DIS3L: variants seen among roughly 807,000 people sequenced by gnomAD.
DIS3L encodes DIS3 like exosome 3'-5' exoribonuclease.
In DIS3L, 100 loss-of-function variants were observed where a neutral mutation model predicts 120.3. The observed-to-expected ratio is 0.83, with a 90% confidence interval of 0.71 to 0.98. The LOEUF is 0.98. Ranked by LOEUF, DIS3L falls within the 50% of genes least tolerant of loss-of-function variation. DIS3L has a pLI of 0.00. For missense variants in DIS3L, 1,196 were observed against 1,314.2 expected, an observed-to-expected ratio of 0.91 and a Z score of 1.39; for synonymous variants, 426 against 470.6, an observed-to-expected ratio of 0.91 and a Z score of 1.23.
At chr15:66,317,638 T>C (rs925544578) in intron 7 of DIS3L, among the ~76,000 whole-genome samples, 1 of 152,168 alleles carries the variant, frequency 6.6e-6, no homozygotes, top group African/African-American at 2.4e-5. Context: ...GGATTCTAAA[T>C]GTTATCTCAG....
At chr15:66,322,567 G>T in intron 9 of DIS3L, 120 bp from the exon 10 acceptor site, 1 of 1,455,576 alleles carries the variant, frequency 6.9e-7, no homozygotes, top group Non-Finnish European at 9.3e-7. Flanking sequence ...AACATAGGTT[G>T]ATGAAGAAGG....
chr15:66,310,974 C>T (rs2092754228), intron 4 of DIS3L, among the ~76,000 whole-genome samples: 1 of 143,144 alleles, frequency 7.0e-6, no homozygotes, highest in South Asian at 2.2e-4. Flanking sequence ...CCAGCATGGG[C>T]AACAGAGCAA....
intron 10 of DIS3L, 72 bp downstream of exon 10, chr15:66,323,006 G>A: frequency 2.6e-6 from 4 of 1,561,150 alleles, no homozygotes; most frequent in South Asian, 2.4e-5. Context: ...ACTAGTTTCA[G>A]GTGTTCAAAG....
intron 3 of DIS3L, 135 bp from the exon 4 acceptor site, chr15:66,308,574 C>T (rs1274802781): frequency 1.7e-6 from 2 of 1,200,008 alleles, no homozygotes; most frequent in Admixed American, 2.6e-5. Flanking sequence ...ATAATGGATA[C>T]TCCAGAAGTA....
chr15:66,327,562 T>C (rs369732189), intron 12 of DIS3L, among the ~76,000 whole-genome samples: 7 of 150,806 alleles, frequency 4.6e-5, no homozygotes, highest in Admixed American at 2.0e-4. Flanking sequence ...TCGAGACCAT[T>C]CTGGCTAACA....
At position 66,321,487 on chromosome 15, in the gene DIS3L, G is replaced by A. The variant is rs151006692; in HGVS notation, c.1326+755G>A. 5.9e-5 allele frequency among the ~76,000 whole-genome samples: 9 copies of A among 152,252 alleles called. No individual in the cohort carries two copies. The East Asian group carries it at 1.7e-3, about 29-fold the overall frequency. ...CAGTGTTATAAAAAAATGTAGGCCA[G>A]GCGTGGTGGCTCATGCCTGTAATCC... On this transcript the variant is annotated intron_variant, in intron 9 of 16. Coordinates refer to ENST00000319212, the MANE Select transcript of DIS3L (RefSeq NM_001143688.3).
In DIS3L at chr15:66,318,449, G is replaced by A. The variant is rs752263312; in HGVS notation, c.995G>A (p.Gly332Asp). 2.5e-6 allele frequency: 4 copies of A among 1,613,478 alleles called. No homozygotes were observed. The highest frequency in any genetic ancestry group is 2.5e-6 in the Non-Finnish European group (3 of 1,179,684). Reference protein sequence around the residue: ...GESPSEPMPTGRVVGILQKNW... With the variant: ...GESPSEPMPTDRVVGILQKNW... The stretch of plus-strand genomic sequence containing the variant: ...CTTGTTTTGTTTTGTTTTGCCAAAG[G>A]TCGAGTGGTGGGCATACTTCAGAAG... The change falls in exon 8 of 17, where the codon GGT becomes GAT. Residue 332 changes from glycine (G) to aspartate (D), a missense_variant and splice_region_variant. By Grantham distance (94) the Gly-to-Asp change is moderately conservative. Transcript: ENST00000319212.
At chr15:66,332,101 A>G in intron 15 of DIS3L, 81 bp downstream of exon 15, 3 of 1,335,370 alleles carry the variant, frequency 2.2e-6, no homozygotes, top group South Asian at 1.6e-5. Context: ...GATATAATTT[A>G]TTAAAATATT....
intron 2 of DIS3L, among the ~76,000 whole-genome samples, chr15:66,303,983 G>A (rs540094835): frequency 2.0e-5 from 3 of 150,920 alleles, no homozygotes; most frequent in African/African-American, 4.9e-5. Flanking sequence ...CCAGCTACTC[G>A]GGAGGCTGAG....
intron 2 of DIS3L, among the ~76,000 whole-genome samples, chr15:66,299,496 C>T (rs191856261): frequency 4.9e-4 from 71 of 144,444 alleles, no homozygotes; most frequent in East Asian, 6.3e-4. Context: ...CAGTGAGCCA[C>T]GATCACGCCG....
At chr15:66,308,426 G>A (rs2140346173) in intron 3 of DIS3L, among the ~76,000 whole-genome samples, 1 of 152,298 alleles carries the variant, frequency 6.6e-6, no homozygotes. Flanking sequence ...TGTAAAAGAT[G>A]GCAGAGCCTC....
At chr15:66,303,344 A>G (rs2092667767) in intron 2 of DIS3L, among the ~76,000 whole-genome samples, 3 of 151,930 alleles carry the variant, frequency 2.0e-5, no homozygotes, top group Admixed American at 6.6e-5. Context: ...TGGTATGTCT[A>G]TTTTTCCTTT....
chr15:66,296,783 A>C (rs1264594150), intron 2 of DIS3L, among the ~76,000 whole-genome samples: 1 of 152,126 alleles, frequency 6.6e-6, no homozygotes, highest in African/African-American at 2.4e-5. Flanking sequence ...CAGCCTCCCA[A>C]AGTGCTGGGA....
intron 2 of DIS3L, among the ~76,000 whole-genome samples, chr15:66,300,336 A>G (rs2092634594): frequency 6.6e-6 from 1 of 152,274 alleles, no homozygotes; most frequent in African/African-American, 2.4e-5. Flanking sequence ...TAAAATGTCC[A>G]GAACAGGTAT....
chr15:66,297,105 A>G (rs979839817), intron 2 of DIS3L, among the ~76,000 whole-genome samples: 1 of 152,214 alleles, frequency 6.6e-6, no homozygotes, highest in Non-Finnish European at 1.5e-5. Context: ...TTAAGCAACC[A>G]GCAGGTGCCT....
intron 7 of DIS3L, among the ~76,000 whole-genome samples, chr15:66,317,132 C>T (rs1182773735): frequency 6.6e-6 from 1 of 152,086 alleles, no homozygotes. Flanking sequence ...CCCTCTGTCA[C>T]TCTTGATCAC....
chr15:66,313,766 T>A (rs2092787191), intron 5 of DIS3L, among the ~76,000 whole-genome samples: 1 of 126,590 alleles, frequency 7.9e-6, no homozygotes, highest in Non-Finnish European at 1.9e-5. Context: ...TGTGTGTGTG[T>A]GTGTATATAT....
chr15:66,329,316 G>C lies in DIS3L; in HGVS notation c.2452G>C (p.Asp818His). The C allele has an allele frequency of 1.2e-6, 2 of 1,613,982 alleles. No homozygotes were observed. Among genetic ancestry groups the C allele is most frequent in the Non-Finnish European group, 1.7e-6 (2 of 1,179,960 alleles). ...CTTGTTAATGGCAGCCATTTCAAAA[G>C]ATAAGAAAATGGAAATTAAGGGAAA... Reference protein sequence around the residue: ...HRLLMAAISKDKKMEIKGNLF... With the variant: ...HRLLMAAISKHKKMEIKGNLF... Residue 818 changes from aspartate to histidine, a missense_variant, in exon 14 of 17, where the codon GAT (aspartate) becomes CAT (histidine). Asp to His is a moderately conservative substitution (Grantham distance 81). Transcript: ENST00000319212.
intron 9 of DIS3L, among the ~76,000 whole-genome samples, chr15:66,321,869 G>A (rs1651047449): frequency 6.6e-6 from 1 of 151,842 alleles, no homozygotes; most frequent in South Asian, 2.1e-4. Context: ...AGATTACCAA[G>A]TCAAAGGGTA....
Sources: allele counts gnomAD v4.1 joint callset (sites outside exome capture counted in the v4.1 genomes callset), GRCh38; gene constraint gnomAD v4.1.1; transcripts MANE v1.5; gene names NCBI Gene and HGNC (gene_info 2026-07-23, HGNC 2026-07-21).